NAALADL2: variants seen among roughly 807,000 people sequenced by gnomAD.
NAALADL2 encodes the protein inactive N-acetylated-alpha-linked acidic dipeptidase-like protein 2.
Under a neutral mutation model 87.2 loss-of-function variants are expected in NAALADL2, and 76 were observed. That is an observed-to-expected ratio of 0.87 (90% CI 0.72 to 1.05). The LOEUF is 1.05. Ranked by LOEUF, NAALADL2 falls within the 50% of genes least tolerant of loss-of-function variation. NAALADL2 has a pLI of 0.00. For synonymous variants in NAALADL2, 354 were observed against 331.0 expected (o/e 1.07, Z -0.75); for missense variants, 1,089 against 945.8 (o/e 1.15, Z -1.99).
chr3:174,593,460 C>T (rs1717586665), intron 2 of NAALADL2, among the ~76,000 whole-genome samples: 1 of 152,044 alleles, frequency 6.6e-6, no homozygotes, highest in Non-Finnish European at 1.5e-5. Flanking sequence ...GTATATTTGC[C>T]TAAGATCTCA....
intron 10 of NAALADL2, among the ~76,000 whole-genome samples, chr3:175,592,894 A>C (rs1721722762): frequency 6.7e-6 from 1 of 150,214 alleles, no homozygotes; most frequent in Non-Finnish European, 1.5e-5. Flanking sequence ...TATAATAATA[A>C]TAAAATAAAA....
chr3:175,323,558 C>A (rs1028351289), intron 4 of NAALADL2, among the ~76,000 whole-genome samples: 30 of 151,556 alleles, frequency 2.0e-4, no homozygotes, highest in Non-Finnish European at 1.9e-4. Context: ...AAGTTAAAAT[C>A]CACTTAGTTA....
At chr3:174,569,147 G>C (rs922474096) in intron 2 of NAALADL2, among the ~76,000 whole-genome samples, 1 of 151,708 alleles carries the variant, frequency 6.6e-6, no homozygotes, top group Non-Finnish European at 1.5e-5. Context: ...AAAATGAAAA[G>C]ATTGTAAGAT....
chr3:174,610,249 G>A (rs772065705), intron 2 of NAALADL2, among the ~76,000 whole-genome samples: 12 of 151,830 alleles, frequency 7.9e-5, no homozygotes, highest in Non-Finnish European at 1.3e-4. Context: ...CAGGACATAG[G>A]CATGGGCAAG....
chr3:175,094,916 A>G (rs1429602320), intron 1 of NAALADL2, among the ~76,000 whole-genome samples: 1 of 151,930 alleles, frequency 6.6e-6, no homozygotes, highest in African/African-American at 2.4e-5. Context: ...ACTCATACAG[A>G]CTATCCACTA....
chr3:175,698,483 T>TATATATATATATA (rs1560995887), intron 11 of NAALADL2, among the ~76,000 whole-genome samples: 2 of 67,774 alleles, frequency 3.0e-5, no homozygotes, highest in African/African-American at 1.8e-4. Context: ...GTATATATAT[T>TATATATATATATA]TATATATATA....
intron 5 of NAALADL2, among the ~76,000 whole-genome samples, chr3:175,374,021 T>C (rs1428833152): frequency 1.3e-5 from 2 of 151,156 alleles, no homozygotes; most frequent in African/African-American, 4.9e-5. Context: ...ACTATTGAAT[T>C]TTTTTATATA....
chr3:174,630,575 T>C (rs867396336), intron 2 of NAALADL2, among the ~76,000 whole-genome samples: 1 of 152,220 alleles, frequency 6.6e-6, no homozygotes, highest in African/African-American at 2.4e-5. Flanking sequence ...TATCTTTCTT[T>C]ATTCTCAACC....
At chr3:175,417,855 A>G (rs1714943846) in intron 5 of NAALADL2, among the ~76,000 whole-genome samples, 1 of 152,202 alleles carries the variant, frequency 6.6e-6, no homozygotes, top group Admixed American at 6.6e-5. Flanking sequence ...TACATTGAGT[A>G]TTGAAAGCCA....
At chr3:174,956,411 T>C (rs1038477705) in intron 1 of NAALADL2, among the ~76,000 whole-genome samples, 51 of 152,118 alleles carry the variant, frequency 3.4e-4, no homozygotes, top group African/African-American at 1.2e-3. Flanking sequence ...CAGAGTCCTG[T>C]AGACTTTCTA....
intron 2 of NAALADL2, among the ~76,000 whole-genome samples, chr3:175,130,940 C>G (rs1490687765): frequency 6.6e-6 from 1 of 152,110 alleles, no homozygotes; most frequent in Non-Finnish European, 1.5e-5. Flanking sequence ...ATTTCTGTGA[C>G]AAATGCCATT....
At chr3:174,534,094 C>G (rs956928050) in intron 1 of NAALADL2, among the ~76,000 whole-genome samples, 4 of 151,976 alleles carry the variant, frequency 2.6e-5, no homozygotes, top group African/African-American at 7.2e-5. Flanking sequence ...AAAATTGGAA[C>G]AAATTAGTAC....
chr3:175,161,336 T>A (rs999279220), intron 2 of NAALADL2, among the ~76,000 whole-genome samples: 1 of 151,610 alleles, frequency 6.6e-6, no homozygotes, highest in South Asian at 2.1e-4. Context: ...AAAAAAAAGA[T>A]TGAAAGATGG....
At chr3:174,838,123 C>T (rs1017337675) in intron 3 of NAALADL2, among the ~76,000 whole-genome samples, 15 of 150,554 alleles carry the variant, frequency 1.0e-4, no homozygotes, top group African/African-American at 2.9e-4. Context: ...AATCCAACAA[C>T]GTATCAAAAA....
At chr3:175,654,895 A>G (rs1731242686) in intron 11 of NAALADL2, among the ~76,000 whole-genome samples, 1 of 151,556 alleles carries the variant, frequency 6.6e-6, no homozygotes, top group Admixed American at 6.6e-5. Context: ...CTGATATTGC[A>G]TTACGTAGAA....
At chr3:175,414,573 A>G (rs367913463) in intron 5 of NAALADL2, among the ~76,000 whole-genome samples, 10 of 152,312 alleles carry the variant, frequency 6.6e-5, no homozygotes, top group African/African-American at 2.2e-4. Flanking sequence ...TAAAGTCAAA[A>G]GTCTTCTCCT....
chr3:175,479,753 C>G (rs754417687), intron 9 of NAALADL2, among the ~76,000 whole-genome samples: 1 of 151,724 alleles, frequency 6.6e-6, no homozygotes, highest in Non-Finnish European at 1.5e-5. Flanking sequence ...TGACATGAAT[C>G]TCTCCATAGT....
intron 2 of NAALADL2, among the ~76,000 whole-genome samples, chr3:175,130,274 T>C (rs1727623970): frequency 1.3e-5 from 2 of 152,196 alleles, no homozygotes; most frequent in African/African-American, 4.8e-5. Context: ...ACAAATACAT[T>C]TTTTTCCCAT....
chr3:175,313,973 A>G (rs562373219), intron 4 of NAALADL2, among the ~76,000 whole-genome samples: 1 of 151,022 alleles, frequency 6.6e-6, no homozygotes, highest in Admixed American at 6.6e-5. Flanking sequence ...GAGGCAGGAG[A>G]ATTGCTTGAA....
Sources: allele counts gnomAD v4.1 joint callset (sites outside exome capture counted in the v4.1 genomes callset), GRCh38; gene constraint gnomAD v4.1.1; transcripts MANE v1.5; gene names NCBI Gene and HGNC (gene_info 2026-07-23, HGNC 2026-07-21).